Variants in HSPA9 observed in about 807,000 individuals in gnomAD.
HSPA9 encodes the protein heat shock protein family A (Hsp70) member 9.
HSPA9 carries 28 observed loss-of-function variants against 81.5 expected under a neutral mutation model. That is an observed-to-expected ratio of 0.34 (90% CI 0.25 to 0.47). HSPA9 has a LOEUF of 0.47. HSPA9 is among the 20% of genes least tolerant of loss of function. HSPA9 has a pLI of 1.00. For missense variants in HSPA9, 678 were observed against 838.0 expected (o/e 0.81, Z 2.36); for synonymous variants, 293 against 290.4 (o/e 1.01, Z -0.09).
chr5:138,557,819 C>T (rs1750560747), intron 13 of HSPA9, 50 bp downstream of exon 13: 1 of 1,135,126 alleles, frequency 8.8e-7, no homozygotes, highest in Non-Finnish European at 1.3e-6. Context: ...GGTCTATTCC[C>T]AAGACCTCCC....
rs770478893 is a variant in HSPA9, at chr5:138,569,006, C to T, written c.454G>A (p.Ala152Thr). Residue 152 changes from alanine to threonine, a missense_variant, in exon 5 of 17, where the codon GCC becomes ACC. Transcript: ENST00000297185. ...AATTTCCCATGAGCCTCAACCCAGG[C>T]ATCACCATTGGAGGCACGGACAATT... Reference protein sequence around the residue: ...FKIVRASNGDAWVEAHGKLYS... With the variant: ...FKIVRASNGDTWVEAHGKLYS... The T allele has an allele frequency of 3.1e-6, 5 of 1,613,708 alleles. No individual in the cohort carries two copies. Among genetic ancestry groups the T allele is most frequent in the East Asian group, 2.2e-5 (1 of 44,888 alleles).
intron 10 of HSPA9, chr5:138,560,908 ATT>A (rs10652442): frequency 3.9e-3 from 1,305 of 332,408 alleles, no homozygotes; most frequent in Non-Finnish European, 4.8e-3. Flanking sequence ...TTCCAGGTTC[ATT>A]TTTTTTTTTT....
intron 3 of HSPA9, among the ~76,000 whole-genome samples, chr5:138,571,959 G>GTTTTT (rs1561862016): frequency 2.8e-4 from 3 of 10,636 alleles, no homozygotes; most frequent in Admixed American, 1.4e-3. Flanking sequence ...ACTGCGCCTG[G>GTTTTT]CTTTTTTTTT....
rs578008884 is a variant in HSPA9 at position 138,558,661 on chromosome 5, G to A, written c.1411-4C>T. 1.4e-5 allele frequency: 23 copies of A among 1,591,492 alleles called. No individual in the cohort carries two copies. In the South Asian group the frequency reaches 1.7e-4, roughly 11 times the overall value. ...CATCAGCGGCAGTAGAGAATACCTA[G>A]GGAAGAAGAAACCCTCCTGGGTTGT... On this transcript the variant is annotated splice_polypyrimidine_tract_variant and splice_region_variant and intron_variant, in intron 11 of 16. Coordinates refer to ENST00000297185, the MANE Select transcript of HSPA9 (RefSeq NM_004134.7).
At chr5:138,574,176 G>A in intron 1 of HSPA9, 50 bp from the exon 2 acceptor site, 1 of 1,381,266 alleles carries the variant, frequency 7.2e-7, no homozygotes. Flanking sequence ...TATCCTGGGA[G>A]GAAAAAGAGA....
At chr5:138,571,645 C>T (rs1055184308) in intron 3 of HSPA9, among the ~76,000 whole-genome samples, 45 of 151,344 alleles carry the variant, frequency 3.0e-4, no homozygotes, top group African/African-American at 1.1e-3. Flanking sequence ...TTTCAAACTA[C>T]TATTTTTTTT....
rs748811314 is a variant in HSPA9, at chr5:138,561,701, A to G, written c.1061T>C (p.Ile354Thr). The G allele has an allele frequency of 6.2e-7, 1 of 1,614,154 alleles. No individual in the cohort carries two copies. The highest frequency in any genetic ancestry group is 8.5e-7 in the Non-Finnish European group (1 of 1,180,000). Residue 354 changes from isoleucine to threonine, a missense_variant, in exon 10 of 17, where the codon ATT (isoleucine) becomes ACT (threonine). Coordinates refer to ENST00000297185, the MANE Select transcript of HSPA9 (RefSeq NM_004134.7). ...MKLTRAQFEGIVTDLIRRTIA... is the reference protein window; with the variant it reads ...MKLTRAQFEGTVTDLIRRTIA... ...AGTCCTTCTGATTAGATCAGTGACA[A>G]TCCCTTCAAATTGAGCACGGGTCAA...
At chr5:138,561,979 G>A (rs1456548895) in intron 9 of HSPA9, among the ~76,000 whole-genome samples, 190 bp from the exon 10 acceptor site, 2 of 149,610 alleles carry the variant, frequency 1.3e-5, no homozygotes, top group Middle Eastern at 3.5e-3. Context: ...TCATTCTATC[G>A]CCAGGCTGGA....
chr5:138,558,703 CT>C lies in HSPA9; in HGVS notation c.1411-47del, dbSNP rs549774190. ...CTGGGTTGTCAATGTGATTAACCTACTCCATTTCTATAGAAAAAATGAAAGC... is the reference window on the plus strand; with the variant it reads ...CTGGGTTGTCAATGTGATTAACCTACCCATTTCTATAGAAAAAATGAAAGC... On this transcript the variant is annotated intron_variant, in intron 11 of 16. Coordinates refer to ENST00000297185, the MANE Select transcript of HSPA9 (RefSeq NM_004134.7). The C allele has an allele frequency of 7.7e-5, 90 of 1,164,028 alleles. 1 individual carries two copies. The South Asian group carries it at 1.1e-3, about 14-fold the overall frequency. 72.1% of individuals were successfully genotyped at this position (1,164,028 alleles called of 1,614,324 possible).
At chr5:138,569,141 CAA>C in intron 4 of HSPA9, 92 bp from the exon 5 acceptor site, 1 of 1,207,166 alleles carries the variant, frequency 8.3e-7, no homozygotes. Flanking sequence ...TCTTCCACCC[CAA>C]GAGACTCATT....
intron 14 of HSPA9, 107 bp from the exon 15 acceptor site, chr5:138,556,973 A>G: frequency 1.2e-6 from 1 of 815,626 alleles, no homozygotes; most frequent in Non-Finnish European, 2.1e-6. Flanking sequence ...ACAGATAAAA[A>G]TAGAGTAAGA....
intron 1 of HSPA9, 29 bp downstream of exon 1, chr5:138,575,209 C>T: frequency 1.3e-6 from 2 of 1,533,384 alleles, no homozygotes; most frequent in Non-Finnish European, 1.8e-6. Flanking sequence ...GAGGCCGTGA[C>T]CCCATTCGGG....
chr5:138,572,559 C>G (rs748223844), intron 3 of HSPA9, among the ~76,000 whole-genome samples: 20 of 152,156 alleles, frequency 1.3e-4, no homozygotes, highest in Non-Finnish European at 2.1e-4. Context: ...TCTGTACATG[C>G]AACCTTTATT....
chr5:138,558,016 C>G, intron 12 of HSPA9, 30 bp from the exon 13 acceptor site: 3 of 1,411,886 alleles, frequency 2.1e-6, no homozygotes, highest in East Asian at 2.3e-5. Flanking sequence ...GAGTAAGGTC[C>G]TCTTACAGAG....
chr5:138,575,358 T>C lies in HSPA9; in HGVS notation c.-40A>G, dbSNP rs552679874. 3.3e-6 allele frequency: 5 copies of C among 1,534,758 alleles called. No individual in the cohort carries two copies. The highest frequency in any genetic ancestry group is 2.3e-5 in the East Asian group (1 of 44,252). ...GGAGTACGAGGCAGCAAACAAGCGC[T>C]CCGACGGCAAAGAGCTGCGCGATGC... is the stretch of plus-strand genomic sequence containing the variant. On this transcript the variant is annotated 5_prime_UTR_variant, in exon 1 of 17. Transcript: ENST00000297185.
At chr5:138,574,322 C>T (rs898649712) in intron 1 of HSPA9, among the ~76,000 whole-genome samples, 196 bp from the exon 2 acceptor site, 4 of 152,220 alleles carry the variant, frequency 2.6e-5, no homozygotes, top group Non-Finnish European at 4.4e-5. Flanking sequence ...ATTTCTCAAC[C>T]GTGGCGCTAT....
intron 12 of HSPA9, 87 bp downstream of exon 12, chr5:138,558,466 C>A: frequency 1.1e-6 from 1 of 895,136 alleles, no homozygotes; most frequent in Non-Finnish European, 1.9e-6. Context: ...TGTATGCCAG[C>A]AGTTTATACT....
chr5:138,563,306 A>G (rs149177146), intron 9 of HSPA9, among the ~76,000 whole-genome samples: 18 of 152,354 alleles, frequency 1.2e-4, no homozygotes, highest in African/African-American at 4.3e-4. Context: ...ATGTTATTTA[A>G]TTTTAATTAA....
intron 3 of HSPA9, 37 bp downstream of exon 3, chr5:138,573,715 AATTCTGGACAG>A (rs757150247): frequency 6.0e-5 from 69 of 1,156,732 alleles, no homozygotes; most frequent in Non-Finnish European, 8.2e-5. Context: ...AAGAGCACAG[AATTCTGGACAG>A]ATTCTGGATA....
Sources: allele counts gnomAD v4.1 joint callset (sites outside exome capture counted in the v4.1 genomes callset), GRCh38; gene constraint gnomAD v4.1.1; transcripts MANE v1.5; gene names NCBI Gene and HGNC (gene_info 2026-07-23, HGNC 2026-07-21).